DAPK1: variants seen among roughly 807,000 people sequenced by gnomAD.
DAPK1 encodes death associated protein kinase 1.
In DAPK1, 56 loss-of-function variants were observed where a neutral mutation model predicts 144.9. The ratio of observed to expected loss-of-function variants is 0.39; its 90% CI spans 0.31 to 0.48. DAPK1 has a LOEUF of 0.48. DAPK1 is among the 20% of genes least tolerant of loss of function. The probability of loss-of-function intolerance (pLI) is 0.95; values close to 1 mark genes in which losing one functional copy is unlikely to be tolerated. For synonymous variants in DAPK1, 690 were observed against 749.0 expected, an observed-to-expected ratio of 0.92 and a Z score of 1.29; for missense variants, 1,454 against 1,875.4, an observed-to-expected ratio of 0.78 and a Z score of 4.15.
At chr9:87,532,841 G>A (rs1248182155) in intron 2 of DAPK1, among the ~76,000 whole-genome samples, 2 of 152,256 alleles carry the variant, frequency 1.3e-5, no homozygotes, top group East Asian at 3.9e-4. Context: ...CCTCCACCCA[G>A]AGTCTGTAAT....
chr9:87,499,363 G>A lies in DAPK1; in HGVS notation c.62+224G>A. ...GTTCAGGGCTAGATTATGATGCACA[G>A]TATATTGATCCAGTCCCCTGGACAA... On this transcript the variant is annotated intron_variant, in intron 2 of 25. Coordinates refer to ENST00000408954, the MANE Select transcript of DAPK1 (RefSeq NM_004938.4). 3 of 535,218 alleles carry A rather than the reference G, an allele frequency of 5.6e-6. No homozygotes were observed. In the South Asian group the frequency reaches 8.6e-5, roughly 15 times the overall value. 33.2% of individuals were successfully genotyped at this position (535,218 alleles called of 1,614,324 possible).
chr9:87,633,687 A>T (rs927809716), intron 3 of DAPK1, among the ~76,000 whole-genome samples: 1 of 152,100 alleles, frequency 6.6e-6, no homozygotes, highest in Non-Finnish European at 1.5e-5. Flanking sequence ...TGAGGACGCA[A>T]ATACTGAATA....
rs747671181 is a variant in DAPK1 at position 87,706,125 on chromosome 9, C to T, written c.3061-7C>T. ...CCTAAGCGTGACTTTCTGTTGTCCC[C>T]CCGCAGATCAACATCATGCAAAGTG... On this transcript the variant is annotated splice_region_variant and splice_polypyrimidine_tract_variant and intron_variant, in intron 25 of 25. Transcript: ENST00000408954. This position sits in a 1 kb window ranked among gnomAD's most constrained non-coding sequence, Gnocchi z 9.0. The T allele has an allele frequency of 1.9e-5, 30 of 1,574,564 alleles. No individual in the cohort carries two copies. In the South Asian group the frequency reaches 3.2e-4, roughly 17 times the overall value.
chr9:87,651,591 T>A lies in DAPK1; in HGVS notation c.1691T>A (p.Leu564His), dbSNP rs377212180. ...CAGATGGAGGTAATCAAGACTCTCC[T>A]CAGCCAAGGGTGTTTCGTCGATTAT... ...RCQMEVIKTL[L>H]SQGCFVDYQD... The change falls in exon 17 of 26, where the codon CTC becomes CAC. Residue 564 changes from leucine to histidine, a missense_variant. Around this residue, in one of 2 missense-constraint regions of DAPK1, gnomAD observed 1,025 missense variants for 1,237.9 expected, o/e 0.83. Transcript: ENST00000408954. The A allele has an allele frequency of 1.9e-6, 3 of 1,614,056 alleles. No homozygotes were observed. Among genetic ancestry groups the A allele is most frequent in the Non-Finnish European group, 2.5e-6 (3 of 1,180,024 alleles).
In DAPK1 at chr9:87,498,971, A is replaced by G; in HGVS notation, c.-107A>G. 2 of 836,202 alleles carry G rather than the reference A, an allele frequency of 2.4e-6. No homozygotes were observed. The highest frequency in any genetic ancestry group is 4.1e-6 in the Non-Finnish European group (2 of 488,026). 51.8% of individuals were successfully genotyped at this position (836,202 alleles called of 1,614,324 possible). On this transcript the variant is annotated splice_region_variant and 5_prime_UTR_variant, in exon 2 of 26. Transcript: ENST00000408954. ...TTGCCTTTTTTTTTTCTTCAAAAGGACTGGAGACTGATGCATGAGGGGGCT... is the reference window on the plus strand; with the variant it reads ...TTGCCTTTTTTTTTTCTTCAAAAGGGCTGGAGACTGATGCATGAGGGGGCT...
intron 2 of DAPK1, among the ~76,000 whole-genome samples, chr9:87,526,756 TGTC>T (rs1245687617): frequency 6.6e-6 from 1 of 152,190 alleles, no homozygotes; most frequent in Non-Finnish European, 1.5e-5. Flanking sequence ...GTAGTGGTGG[TGTC>T]GCCGTGCCCA....
rs1825712388 is a variant in DAPK1, at chr9:87,708,377, A to G, written c.*1013A>G. 1 of 152,774 alleles carries G rather than the reference A, an allele frequency of 6.5e-6. No individual in the cohort carries two copies. The highest frequency in any genetic ancestry group is 1.9e-4 in the East Asian group (1 of 5,196). The allele number at this position is 152,774 out of a possible 1,614,324, so 9.5% of individuals were successfully genotyped here. On this transcript the variant is annotated 3_prime_UTR_variant, in exon 26 of 26. Coordinates refer to ENST00000408954, the MANE Select transcript of DAPK1 (RefSeq NM_004938.4). ...TAACTTCCTGTACTTGAAGTCTAAA[A>G]GCAGAAAATAAAGGAAGCAAGTTTT...
chr9:87,643,386 G>A lies in DAPK1; in HGVS notation c.929G>A (p.Arg310His), dbSNP rs1166864144. The A allele has an allele frequency of 1.5e-5, 23 of 1,490,736 alleles. No homozygotes were observed. The highest frequency in any genetic ancestry group is 3.7e-4 in the Middle Eastern group (2 of 5,380). The allele number at this position is 1,490,736 out of a possible 1,614,324, so 92.3% of individuals were successfully genotyped here. A position where few individuals can be genotyped will look rare whatever the true frequency, so the allele number is the denominator to read the frequency against. Reference sequence around the variant, plus strand: ...TTTTTTAAAAAAAAGCAATCCGTTCGCTTGATATCACTGTGCCAAAGATTA... The same window carrying A: ...TTTTTTAAAAAAAAGCAATCCGTTCACTTGATATCACTGTGCCAAAGATTA... ...AARKKWKQSV[R>H]LISLCQRLSR... Residue 310 changes from arginine (R) to histidine (H), a missense_variant, in exon 11 of 26, where the codon CGC (arginine) becomes CAC (histidine). This residue lies in a region of DAPK1 where 429 missense variants were observed against 637.5 expected (regional missense o/e 0.67). Coordinates refer to ENST00000408954, the MANE Select transcript of DAPK1 (RefSeq NM_004938.4).
chr9:87,583,554 A>G (rs924115929), intron 2 of DAPK1, among the ~76,000 whole-genome samples: 5 of 152,236 alleles, frequency 3.3e-5, no homozygotes, highest in Non-Finnish European at 7.3e-5. Context: ...AAGAAATGTC[A>G]TGCATAGAGA....
chr9:87,699,673 A>G (rs1825389343), intron 23 of DAPK1, among the ~76,000 whole-genome samples: 1 of 152,208 alleles, frequency 6.6e-6, no homozygotes, highest in African/African-American at 2.4e-5. Context: ...GTCTTGAGAC[A>G]CTATATCTGT....
chr9:87,656,434 T>G (rs1392903252), intron 17 of DAPK1, among the ~76,000 whole-genome samples: 1 of 152,192 alleles, frequency 6.6e-6, no homozygotes, highest in Non-Finnish European at 1.5e-5. Context: ...TAGAAAACTG[T>G]GCATTCTACA....
chr9:87,518,390 A>G (rs555902784), intron 2 of DAPK1, among the ~76,000 whole-genome samples: 40 of 151,706 alleles, frequency 2.6e-4, no homozygotes, highest in Non-Finnish European at 5.2e-4. Flanking sequence ...AGCCTCCCAA[A>G]GTGCTGGGAT....
intron 2 of DAPK1, among the ~76,000 whole-genome samples, chr9:87,598,508 T>G (rs1413230052): frequency 6.6e-6 from 1 of 152,116 alleles, no homozygotes; most frequent in Non-Finnish European, 1.5e-5. Context: ...ACTCACCTGC[T>G]CCAGGTGAGA....
In DAPK1 at chr9:87,582,672, A is replaced by G. The variant is rs1359156247; in HGVS notation, c.63-22282A>G. Among the ~76,000 whole-genome samples, 7 of 150,528 alleles carry G rather than the reference A, an allele frequency of 4.7e-5. No homozygotes were observed. In the Admixed American group the frequency reaches 4.7e-4, roughly 10 times the overall value. On this transcript the variant is annotated intron_variant, in intron 2 of 25. Transcript: ENST00000408954. ...CAGGTTCAATCGATTCTCTTGCCTCAGCTTCCCGAGTAGCTGGGACTACAG... is the reference window on the plus strand; with the variant it reads ...CAGGTTCAATCGATTCTCTTGCCTCGGCTTCCCGAGTAGCTGGGACTACAG...
chr9:87,632,923 A>ATATATATATATATAT (rs1829756847), intron 3 of DAPK1: 6 of 699,512 alleles, frequency 8.6e-6, no homozygotes, highest in Non-Finnish European at 1.0e-5. Flanking sequence ...TATATATATA[A>ATATATATATATATAT]ATGAAGGGTG....
intron 21 of DAPK1, among the ~76,000 whole-genome samples, chr9:87,695,443 T>C (rs1460362467): frequency 6.6e-6 from 1 of 152,178 alleles, no homozygotes; most frequent in African/African-American, 2.4e-5. Context: ...TGGCAGGATG[T>C]GGCAGTGTAG....
chr9:87,503,234 GT>G (rs1018812803), intron 2 of DAPK1, among the ~76,000 whole-genome samples: 3 of 151,702 alleles, frequency 2.0e-5, no homozygotes, highest in African/African-American at 4.8e-5. Flanking sequence ...ATATGTATAT[GT>G]TTTTTATATA....
chr9:87,679,667 G>A (rs556283431), intron 19 of DAPK1, among the ~76,000 whole-genome samples: 7 of 152,196 alleles, frequency 4.6e-5, no homozygotes, highest in East Asian at 3.9e-4. Flanking sequence ...TCCGCACTGC[G>A]CTTAGCATGG....
chr9:87,632,116 G>C, intron 3 of DAPK1: 1 of 637,304 alleles, frequency 1.6e-6, no homozygotes, highest in Non-Finnish European at 2.0e-6. Flanking sequence ...ATATGTATGT[G>C]TGTGTGTATA....
Sources: gnomAD v4.1 joint callset for allele counts (sites outside exome capture counted in the v4.1 genomes callset) on GRCh38, gnomAD v4.1.1 for gene constraint, gnomAD v4.1.1 regional missense constraint, Gnocchi (gnomAD v3.1) non-coding constraint, MANE v1.5 for transcripts, NCBI Gene and HGNC (gene_info 2026-07-23, HGNC 2026-07-21) for gene names.